Variants in CPAMD8 observed in about 807,000 individuals in gnomAD.
The protein encoded by CPAMD8 is C3 and PZP like alpha-2-macroglobulin domain containing 8.
In CPAMD8, 146 loss-of-function variants were observed where a neutral mutation model predicts 224.7. That is an observed-to-expected ratio of 0.65 (90% CI 0.57 to 0.75). CPAMD8 has a LOEUF of 0.75. Ranked by LOEUF, CPAMD8 falls within the 30% of genes least tolerant of loss-of-function variation. The probability of loss-of-function intolerance (pLI) is 0.00; values close to 1 mark genes in which losing one functional copy is unlikely to be tolerated. For missense variants in CPAMD8, 2,301 were observed against 2,537.5 expected (o/e 0.91, Z 2.00); for synonymous variants, 966 against 1,044.6 (o/e 0.92, Z 1.45).
intron 3 of CPAMD8, among the ~76,000 whole-genome samples, chr19:17,018,660 G>A (rs1323999946): frequency 1.3e-5 from 2 of 151,670 alleles, no homozygotes; most frequent in Admixed American, 1.3e-4. Context: ...GATCACTTGA[G>A]GTCAGGAGTT....
intron 14 of CPAMD8, among the ~76,000 whole-genome samples, chr19:16,979,492 GTCCA>G (rs1482737354): frequency 9.1e-6 from 1 of 110,270 alleles, no homozygotes; most frequent in Admixed American, 8.8e-5. Flanking sequence ...CCATCCTTCT[GTCCA>G]TCCATCTTTT....
intron 13 of CPAMD8, among the ~76,000 whole-genome samples, chr19:16,986,688 G>C (rs550921043): frequency 1.3e-5 from 2 of 152,142 alleles, no homozygotes; most frequent in African/African-American, 4.8e-5. Flanking sequence ...GGGCTGGTAG[G>C]GCCCTGGGCG....
chr19:16,909,207 C>A (rs2052632758), intron 29 of CPAMD8, among the ~76,000 whole-genome samples: 2 of 152,108 alleles, frequency 1.3e-5, no homozygotes, highest in Admixed American at 6.5e-5. Context: ...GATGAGATCA[C>A]CTTGGATTAA....
In CPAMD8 at chr19:16,925,204, A is replaced by G. The variant is rs562790019; in HGVS notation, c.3539T>C (p.Leu1180Pro). The G allele has an allele frequency of 1.4e-5, 23 of 1,613,922 alleles. No individual in the cohort carries two copies. Among genetic ancestry groups the G allele is most frequent in the Non-Finnish European group, 1.9e-5 (22 of 1,180,006 alleles). ...CACTTCTTCCCCAATACCTTGTACT[A>G]GGTAGTCGGTGGTCTCTCTCTCCAC... ...PEVERETTDY[L>P]VQGYQRQLTY... The change falls in exon 26 of 42, where the codon CTA becomes CCA. Residue 1180 changes from leucine (L) to proline (P), a missense_variant. Physicochemically the swap from Leu to Pro is moderately conservative, Grantham distance 98 (BLOSUM62 -3). Around this residue, in one of 4 missense-constraint regions of CPAMD8, gnomAD observed 1,709 missense variants for 1,753.2 expected, o/e 0.97. Coordinates refer to ENST00000443236, the MANE Select transcript of CPAMD8 (RefSeq NM_015692.5).
chr19:16,968,849 G>C (rs1175576412), intron 18 of CPAMD8, among the ~76,000 whole-genome samples: 1 of 152,068 alleles, frequency 6.6e-6, no homozygotes, highest in Non-Finnish European at 1.5e-5. Context: ...ATGTGCCCAG[G>C]CTGGTCTCAA....
Position 17,004,275 on chromosome 19 carries a change from T to G in CPAMD8, c.671A>C (p.Tyr224Ser), listed in dbSNP as rs371807162. 6.3e-7 allele frequency: 1 copy of G among 1,593,918 alleles called. No individual in the cohort carries two copies. The highest frequency in any genetic ancestry group is 1.3e-5 in the African/African-American group (1 of 74,488). ...GACCCTGAGATTCTCCAACTTACCA[T>G]ACTTCTGAACTTCAAAAGACTTGTT... ...AYNKSFEVQK[Y>S]VLPKFELLID... Residue 224 changes from tyrosine to serine, a missense_variant and splice_region_variant, in exon 8 of 42, where the codon TAT becomes TCT. Tyr to Ser is a moderately radical substitution (Grantham distance 144). Coordinates refer to ENST00000443236, the MANE Select transcript of CPAMD8 (RefSeq NM_015692.5).
Position 16,907,120 on chromosome 19 carries a change from G to C in CPAMD8, c.3862-3C>G. ...TTGTCAGTGGAGCCTCTCTCCTCCTGCAGGGTGGGGTGGGAAGGTGAAACC... is the reference window on the plus strand; with the variant it reads ...TTGTCAGTGGAGCCTCTCTCCTCCTCCAGGGTGGGGTGGGAAGGTGAAACC... On this transcript the variant is annotated splice_region_variant and splice_polypyrimidine_tract_variant and intron_variant, in intron 29 of 41. Transcript: ENST00000443236. The C allele has an allele frequency of 6.5e-7, 1 of 1,546,718 alleles. No homozygotes were observed. The highest frequency in any genetic ancestry group is 1.9e-5 in the Admixed American group (1 of 52,002).
At chr19:17,011,569 C>G (rs369586859) in intron 4 of CPAMD8, 23 bp downstream of exon 4, 4 of 1,614,104 alleles carry the variant, frequency 2.5e-6, no homozygotes, top group Non-Finnish European at 2.5e-6. Context: ...CCGGCCCTCC[C>G]TGCATCCATG....
In CPAMD8 at chr19:16,938,082, C is replaced by T. The variant is rs147312845; in HGVS notation, c.2845+313G>A. On this transcript the variant is annotated intron_variant, in intron 23 of 41. Coordinates refer to ENST00000443236, the MANE Select transcript of CPAMD8 (RefSeq NM_015692.5). ...GATTACAGGTGTGAGCCACCGTGCCCGGGCAGCCTAACCTTCTTGCTTGGT... is the reference window on the plus strand; with the variant it reads ...GATTACAGGTGTGAGCCACCGTGCCTGGGCAGCCTAACCTTCTTGCTTGGT... 2.6e-3 allele frequency among the ~76,000 whole-genome samples: 399 copies of T among 152,300 alleles called. 2 individuals are homozygous for T. The highest frequency in any genetic ancestry group is 7.3e-3 in the African/African-American group (305 of 41,552).
intron 7 of CPAMD8, among the ~76,000 whole-genome samples, chr19:17,005,438 A>C (rs1238187091): frequency 7.0e-6 from 1 of 143,478 alleles, no homozygotes; most frequent in Non-Finnish European, 1.5e-5. Context: ...CACACACTTT[A>C]GAACAGAGCA....
At chr19:16,990,590 C>T (rs534530744) in intron 12 of CPAMD8, among the ~76,000 whole-genome samples, 12 of 152,030 alleles carry the variant, frequency 7.9e-5, no homozygotes, top group South Asian at 6.2e-4. Context: ...TTGGGCCAGG[C>T]GCGATGGCTC....
chr19:16,981,093 CT>C lies in CPAMD8; in HGVS notation c.1396-408del, dbSNP rs2055498011. Reference sequence around the variant, plus strand: ...TGATCCCAGTATTTTGGGCTCACGCCTGTAATCCCAGCACTTTGGGGGGCTG... The same window carrying C: ...TGATCCCAGTATTTTGGGCTCACGCCGTAATCCCAGCACTTTGGGGGGCTG... On this transcript the variant is annotated intron_variant, in intron 13 of 41. Transcript: ENST00000443236. Among the ~76,000 whole-genome samples, 8 of 145,172 alleles carry C rather than the reference CT, an allele frequency of 5.5e-5. 1 individual carries two copies. Among genetic ancestry groups the C allele is most frequent in the Admixed American group, 5.4e-4 (8 of 14,898 alleles).
At chr19:16,953,097 C>T (rs2054349772) in intron 19 of CPAMD8, among the ~76,000 whole-genome samples, 1 of 152,082 alleles carries the variant, frequency 6.6e-6, no homozygotes, top group Non-Finnish European at 1.5e-5. Flanking sequence ...TTGACAAGGG[C>T]ATCAAGATAC....
rs1379934306 is a variant in CPAMD8 at position 16,960,452 on chromosome 19, G to GT, written c.2214-2538dup. Among the ~76,000 whole-genome samples, 67 of 141,134 alleles carry GT rather than the reference G, an allele frequency of 4.7e-4. 1 individual carries two copies. Among genetic ancestry groups the GT allele is most frequent in the Non-Finnish European group, 5.5e-4 (35 of 64,010 alleles). The allele number at this position is 141,134 out of a possible 152,430, so 92.6% of individuals were successfully genotyped here. A position where few individuals can be genotyped will look rare whatever the true frequency, so the allele number is the denominator to read the frequency against. On this transcript the variant is annotated intron_variant, in intron 18 of 41. Transcript: ENST00000443236. The stretch of plus-strand genomic sequence containing the variant: ...TTCATTGGTGGACTATTATATATTT[G>GT]TAAAAAAAAAAAAGAGTGAGGTAAA...
chr19:16,999,152 T>G (rs750102110), intron 10 of CPAMD8, among the ~76,000 whole-genome samples: 4 of 152,002 alleles, frequency 2.6e-5, no homozygotes, highest in African/African-American at 7.3e-5. Context: ...AGAAAACAGA[T>G]AGTAGTTGCC....
intron 18 of CPAMD8, among the ~76,000 whole-genome samples, chr19:16,966,644 A>G (rs534820086): frequency 6.6e-6 from 1 of 152,210 alleles, no homozygotes; most frequent in Non-Finnish European, 1.5e-5. Context: ...ACAAATTTAC[A>G]AGAAAAAAAC....
chr19:16,919,334 G>T (rs919522666), intron 27 of CPAMD8, among the ~76,000 whole-genome samples: 1 of 152,224 alleles, frequency 6.6e-6, no homozygotes, highest in Non-Finnish European at 1.5e-5. Flanking sequence ...GTGAGAGGAA[G>T]CCAGCCGCCA....
intron 7 of CPAMD8, 71 bp downstream of exon 7, chr19:17,008,434 C>T (rs1327315885): frequency 1.9e-6 from 3 of 1,572,662 alleles, no homozygotes; most frequent in East Asian, 2.3e-5. Context: ...GGGCCCTGGA[C>T]AGAGCATATT....
At chr19:16,998,829 A>G (rs147693245) in intron 10 of CPAMD8, among the ~76,000 whole-genome samples, 106 of 152,320 alleles carry the variant, frequency 7.0e-4, no homozygotes, top group African/African-American at 2.5e-3. Context: ...GCTCCTAGGA[A>G]AGAACCCAAG....
Sources: gnomAD v4.1 joint callset for allele counts (sites outside exome capture counted in the v4.1 genomes callset) on GRCh38, gnomAD v4.1.1 for gene constraint, gnomAD v4.1.1 regional missense constraint, MANE v1.5 for transcripts, NCBI Gene and HGNC (gene_info 2026-07-23, HGNC 2026-07-21) for gene names.